RAB40B: variants seen among roughly 807,000 people sequenced by gnomAD.
RAB40B encodes ras-related protein Rab-40B.
Under a neutral mutation model 24.0 loss-of-function variants are expected in RAB40B, and 21 were observed. That is an observed-to-expected ratio of 0.88 (90% CI 0.62 to 1.26). The LOEUF is 1.26. Among genes scored for constraint, RAB40B ranks in the 50% most tolerant of loss-of-function variants. The pLI, the probability that RAB40B is intolerant of heterozygous loss-of-function variation, is 0.00. For missense variants in RAB40B, 348 were observed against 390.5 expected (o/e 0.89, Z 0.92); for synonymous variants, 167 against 169.8 (o/e 0.98, Z 0.13).
intron 1 of RAB40B, 55 bp downstream of exon 1, chr17:82,698,399 CG>C: frequency 9.5e-7 from 1 of 1,056,776 alleles, no homozygotes; most frequent in Non-Finnish European, 1.2e-6. Context: ...TCCCCAGCCC[CG>C]CGCCCCTCCC....
rs1175114196 is a variant in RAB40B, at chr17:82,697,385, C to T, written c.142+1070G>A. Among the ~76,000 whole-genome samples the T allele has an allele frequency of 6.6e-6, 1 of 152,208 alleles. No individual in the cohort carries two copies. Among genetic ancestry groups the T allele is most frequent in the Non-Finnish European group, 1.5e-5 (1 of 68,036 alleles). On this transcript the variant is annotated intron_variant, in intron 1 of 5. Coordinates refer to ENST00000571995, the MANE Select transcript of RAB40B (RefSeq NM_006822.3). This position sits in a 1 kb window ranked among gnomAD's most constrained non-coding sequence, Gnocchi z 4.9. ...CCGCTAAGTTCGTCTCTGGCAGGACCCTGGACCTGGGGCTTCCCAGACCCT... is the reference window on the plus strand; with the variant it reads ...CCGCTAAGTTCGTCTCTGGCAGGACTCTGGACCTGGGGCTTCCCAGACCCT...
In RAB40B at chr17:82,683,272, T is replaced by C. The variant is rs914537367; in HGVS notation, c.142+15183A>G. ...TTGGGTTAGGCAAAGATTTCTTAGA[T>C]ATGACATTAAAAGGATGGTCTATAA... On this transcript the variant is annotated intron_variant, in intron 1 of 5. Transcript: ENST00000571995. Among the ~76,000 whole-genome samples, 19 of 152,320 alleles carry C rather than the reference T, an allele frequency of 1.2e-4. No individual in the cohort carries two copies. The East Asian group carries it at 3.5e-3, about 28-fold the overall frequency.
Position 82,658,132 on chromosome 17 carries a change from G to A in RAB40B, c.568C>T (p.Leu190=). 6.2e-7 allele frequency: 1 copy of A among 1,612,994 alleles called. No individual in the cohort carries two copies. Among genetic ancestry groups the A allele is most frequent in the Non-Finnish European group, 8.5e-7 (1 of 1,179,472 alleles). ...MDRLWRPSKV[L]SLQDLCCRAV... ...CGGCAGCAGAGGTCTTGCAAGCTCA[G>A]CACTTGGGAGAGAAAAGATAAACCT... Residue 190 remains leucine (L), a splice_region_variant and synonymous_variant, in exon 6 of 6, where the codon CTG becomes TTG. Transcript: ENST00000571995.
Position 82,667,807 on chromosome 17 carries a change from TCAGA to T in RAB40B, c.143-3255_143-3252del, listed in dbSNP as rs1397447452. On this transcript the variant is annotated intron_variant, in intron 1 of 5. Transcript: ENST00000571995. This position sits in a 1 kb window ranked among gnomAD's most constrained non-coding sequence, Gnocchi z 4.3. ...GACGCCACCTGCCCCGTGATGAGGC[TCAGA>T]CAGAGCGGCCAAGCAGTCCCCTGAC... Among the ~76,000 whole-genome samples, 1 of 152,128 alleles carries T rather than the reference TCAGA, an allele frequency of 6.6e-6. No homozygotes were observed. The highest frequency in any genetic ancestry group is 2.4e-5 in the African/African-American group (1 of 41,430).
intron 1 of RAB40B, among the ~76,000 whole-genome samples, chr17:82,686,427 T>A (rs1026673617): frequency 6.6e-6 from 1 of 152,182 alleles, no homozygotes; most frequent in East Asian, 1.9e-4. Context: ...TCTTTTCAGA[T>A]GTAATCAAGT....
At chr17:82,659,093 C>T in intron 4 of RAB40B, 1 of 263,590 alleles carries the variant, frequency 3.8e-6, no homozygotes. Context: ...TGGTTTTGGG[C>T]TCTGGCCTCC....
intron 1 of RAB40B, among the ~76,000 whole-genome samples, chr17:82,674,210 G>C (rs899592792): frequency 6.6e-6 from 1 of 152,008 alleles, no homozygotes; most frequent in Non-Finnish European, 1.5e-5. Context: ...TGTGGTGGCG[G>C]GTGCCTGTAA....
In RAB40B at chr17:82,657,038, C is replaced by A. The variant is rs1020460718; in HGVS notation, c.*825G>T. ...TCAAAAATAAATAAATAAATAAATA[C>A]AAAATTCGAAAGAACCGGTCGCCAA... On this transcript the variant is annotated 3_prime_UTR_variant, in exon 6 of 6. Coordinates refer to ENST00000571995, the MANE Select transcript of RAB40B (RefSeq NM_006822.3). 38 of 152,206 alleles carry A rather than the reference C, an allele frequency of 2.5e-4. No homozygotes were observed. Among genetic ancestry groups the A allele is most frequent in the Non-Finnish European group, 2.9e-5 (2 of 68,106 alleles). The allele number at this position is 152,206 out of a possible 1,614,324, so 9.4% of individuals were successfully genotyped here. A position where few individuals can be genotyped will look rare whatever the true frequency, so the allele number is the denominator to read the frequency against.
At chr17:82,689,263 T>C (rs1199820519) in intron 1 of RAB40B, among the ~76,000 whole-genome samples, 1 of 152,242 alleles carries the variant, frequency 6.6e-6, no homozygotes, top group Non-Finnish European at 1.5e-5. Context: ...GAGGCAGGAC[T>C]GCGGGTCTGC....
intron 1 of RAB40B, among the ~76,000 whole-genome samples, chr17:82,678,879 G>GTTTTTTTTTTTTTTTTTTTTTTTTTT (rs35848277): frequency 1.0e-5 from 1 of 99,164 alleles, no homozygotes; most frequent in African/African-American, 3.9e-5. Flanking sequence ...CCCTTTCTGC[G>GTTTTTTTTTTTTTTTTTTTTTTTTTT]TTTTTTTTTT....
intron 1 of RAB40B, among the ~76,000 whole-genome samples, chr17:82,683,805 C>CAAA (rs35145848): frequency 1.1e-5 from 1 of 90,790 alleles, no homozygotes; most frequent in African/African-American, 4.0e-5. Flanking sequence ...ACCCTGTTTC[C>CAAA]AAAAAAAAAA....
chr17:82,684,801 A>G (rs1240546751), intron 1 of RAB40B, among the ~76,000 whole-genome samples: 2 of 152,174 alleles, frequency 1.3e-5, no homozygotes, highest in African/African-American at 4.8e-5. Flanking sequence ...GATGGCGGTC[A>G]CACCACTGTC....
chr17:82,688,952 G>A (rs147806641), intron 1 of RAB40B, among the ~76,000 whole-genome samples: 1 of 152,250 alleles, frequency 6.6e-6, no homozygotes, highest in African/African-American at 2.4e-5. Flanking sequence ...TTTAAAAATT[G>A]TTTTGTTTGA....
chr17:82,662,891 G>A (rs2046192206), intron 2 of RAB40B: 1 of 937,288 alleles, frequency 1.1e-6, no homozygotes, highest in Non-Finnish European at 1.3e-6. Context: ...AGATCTTTAG[G>A]AAGGCACTGA....
At chr17:82,682,253 A>G (rs1036081940) in intron 1 of RAB40B, among the ~76,000 whole-genome samples, 2 of 152,192 alleles carry the variant, frequency 1.3e-5, no homozygotes, top group African/African-American at 4.8e-5. Context: ...GGAAAAAAAC[A>G]GTTGTATTTT....
At chr17:82,690,678 G>A (rs868015546) in intron 1 of RAB40B, among the ~76,000 whole-genome samples, 1 of 101,186 alleles carries the variant, frequency 9.9e-6, no homozygotes, top group South Asian at 3.6e-4. Context: ...GCACGTGTGT[G>A]CAGGGGAAGA....
At chr17:82,688,797 G>A (rs1376789857) in intron 1 of RAB40B, among the ~76,000 whole-genome samples, 2 of 152,118 alleles carry the variant, frequency 1.3e-5, no homozygotes, top group Non-Finnish European at 2.9e-5. Context: ...AGCCGGGCAT[G>A]GTGGTGCATG....
At chr17:82,696,063 T>C (rs1006151281) in intron 1 of RAB40B, among the ~76,000 whole-genome samples, 1 of 151,358 alleles carries the variant, frequency 6.6e-6, no homozygotes, top group African/African-American at 2.4e-5. Flanking sequence ...AGAGACAGGG[T>C]TTCTCCATGT....
At chr17:82,661,145 G>T (rs1016662605) in intron 2 of RAB40B, 98 bp from the exon 3 acceptor site, 3 of 1,519,954 alleles carry the variant, frequency 2.0e-6, no homozygotes, top group Non-Finnish European at 1.8e-6. Context: ...CCACACACCC[G>T]CCAGTCAGCA....
Sources: gnomAD v4.1 joint callset for allele counts (sites outside exome capture counted in the v4.1 genomes callset) on GRCh38, gnomAD v4.1.1 for gene constraint, Gnocchi (gnomAD v3.1) non-coding constraint, MANE v1.5 for transcripts, NCBI Gene and HGNC (gene_info 2026-07-23, HGNC 2026-07-21) for gene names.